MYOF: variants seen among roughly 807,000 people sequenced by gnomAD.
MYOF encodes the protein myoferlin, also known as fer-1-like 3, myoferlin.
In MYOF, 244 loss-of-function variants were observed where a neutral mutation model predicts 284.2. The observed-to-expected ratio is 0.86, with a 90% CI of 0.77 to 0.95. The LOEUF (loss-of-function observed/expected upper bound fraction) is 0.95. Ranked by LOEUF, MYOF falls within the 40% of genes least tolerant of loss-of-function variation. The pLI is 0.00. For synonymous variants in MYOF, 904 were observed against 919.7 expected (o/e 0.98, Z 0.31); for missense variants, 2,496 against 2,560.6 (o/e 0.97, Z 0.54).
At chr10:93,359,316 T>C (rs1244369013) in intron 29 of MYOF, among the ~76,000 whole-genome samples, 1 of 151,734 alleles carries the variant, frequency 6.6e-6, no homozygotes, top group Non-Finnish European at 1.5e-5. Flanking sequence ...GCCACTTCTA[T>C]ACATGCCACT....
In MYOF at chr10:93,317,628, G is replaced by A. The variant is rs569757846; in HGVS notation, c.5599-815C>T. Among the ~76,000 whole-genome samples the A allele has an allele frequency of 3.2e-4, 49 of 151,718 alleles. No homozygotes were observed. The South Asian group carries it at 0.01, about 32-fold the overall frequency. Reference sequence around the variant, plus strand: ...CTCCAGCCTGGGCGACAGAGATTCCGTCTCAGAAACAAAACAAAACAAAAC... The same window carrying A: ...CTCCAGCCTGGGCGACAGAGATTCCATCTCAGAAACAAAACAAAACAAAAC... On this transcript the variant is annotated intron_variant, in intron 49 of 53. Coordinates refer to ENST00000359263, the MANE Select transcript of MYOF (RefSeq NM_013451.4).
intron 27 of MYOF, among the ~76,000 whole-genome samples, chr10:93,362,207 C>A (rs1452572475): frequency 6.6e-6 from 1 of 151,194 alleles, no homozygotes; most frequent in Non-Finnish European, 1.5e-5. Context: ...CTCGGCCTCC[C>A]AAAGTGCTGG....
At chr10:93,331,696 CG>C (rs1304042063) in intron 43 of MYOF, among the ~76,000 whole-genome samples, 14 of 15,078 alleles carry the variant, frequency 9.3e-4, no homozygotes, top group African/African-American at 2.7e-3. Flanking sequence ...GTGCAGCATG[CG>C]GGGGGCGTAG....
intron 53 of MYOF, 48 bp downstream of exon 53, chr10:93,309,972 T>C (rs368469229): frequency 6.2e-7 from 1 of 1,611,304 alleles, no homozygotes. Flanking sequence ...GAGGACCAAC[T>C]GCAACTCACA....
At chr10:93,409,002 C>T in intron 6 of MYOF, 87 bp from the exon 7 acceptor site, 1 of 1,574,486 alleles carries the variant, frequency 6.4e-7, no homozygotes, top group South Asian at 1.2e-5. Flanking sequence ...TTTCCTTCAC[C>T]TATTAGGATT....
At chr10:93,468,493 C>T (rs1380720009) in intron 1 of MYOF, among the ~76,000 whole-genome samples, 1 of 152,226 alleles carries the variant, frequency 6.6e-6, no homozygotes, top group African/African-American at 2.4e-5. Flanking sequence ...AGTCCTCTGT[C>T]CTTCCTCGCT....
At chr10:93,348,762 T>TAAA (rs1844364160) in intron 36 of MYOF, among the ~76,000 whole-genome samples, 1 of 152,110 alleles carries the variant, frequency 6.6e-6, no homozygotes, top group Admixed American at 6.6e-5. Context: ...TGTGTAAATC[T>TAAA]GTTACCTCTT....
At chr10:93,477,160 T>G (rs1004707278) in intron 1 of MYOF, among the ~76,000 whole-genome samples, 1 of 152,066 alleles carries the variant, frequency 6.6e-6, no homozygotes, top group Non-Finnish European at 1.5e-5. Context: ...AAAGGGAAAA[T>G]GGAAGCCTAA....
chr10:93,394,614 C>A (rs911454357), intron 16 of MYOF, among the ~76,000 whole-genome samples: 2 of 151,306 alleles, frequency 1.3e-5, no homozygotes, highest in Admixed American at 6.6e-5. Flanking sequence ...GTGCCCACCA[C>A]CACGCCCGGA....
At chr10:93,461,512 C>T (rs2056882216) in intron 1 of MYOF, among the ~76,000 whole-genome samples, 1 of 152,114 alleles carries the variant, frequency 6.6e-6, no homozygotes, top group Non-Finnish European at 1.5e-5. Context: ...AGGCTGTGTG[C>T]ACAGAAGATG....
At position 93,347,576 on chromosome 10, in the gene MYOF, A is replaced by C. The variant is rs1776085; in HGVS notation, c.4249+41T>G. 1.3e-5 allele frequency: 17 copies of C among 1,349,146 alleles called. No individual in the cohort carries two copies. The Admixed American group carries it at 4.5e-4, about 36-fold the overall frequency. The allele number at this position is 1,349,146 out of a possible 1,614,324, so 83.6% of individuals were successfully genotyped here. The stretch of plus-strand genomic sequence containing the variant: ...TCCGTCTCAAAAAAAAAAAAAAAAA[A>C]AAGAAAAGCCCCCAGACTTATGCAC... On this transcript the variant is annotated intron_variant, in intron 37 of 53. Coordinates refer to ENST00000359263, the MANE Select transcript of MYOF (RefSeq NM_013451.4).
Position 93,359,848 on chromosome 10 carries a change from A to C in MYOF, c.3105T>G (p.Ala1035=). Reference sequence around the variant, plus strand: ...CTTCTCTTACCCTTGCGGTGCTTGAAGCAGTCTGTGTTAAATCTTTCTTGC... The same window carrying C: ...CTTCTCTTACCCTTGCGGTGCTTGACGCAGTCTGTGTTAAATCTTTCTTGC... ...RKRKKDLTQT[A]SSTARAMEEL... is the part of the protein sequence containing the mutation. The change falls in exon 29 of 54, where the codon GCT becomes GCG. Residue 1035 remains alanine (A), a synonymous_variant. Transcript: ENST00000359263. The C allele has an allele frequency of 6.2e-7, 1 of 1,614,152 alleles. No homozygotes were observed. The highest frequency in any genetic ancestry group is 8.5e-7 in the Non-Finnish European group (1 of 1,180,008).
intron 53 of MYOF, among the ~76,000 whole-genome samples, chr10:93,307,377 C>T (rs958591853): frequency 6.6e-6 from 1 of 152,056 alleles, no homozygotes; most frequent in African/African-American, 2.4e-5. Context: ...CTCACTGCAA[C>T]CTCCGCCTCC....
rs1469521037 is a variant in MYOF, at chr10:93,316,867, CCTT to C, written c.5599-57_5599-55del. The C allele has an allele frequency of 8.3e-6, 12 of 1,450,604 alleles. No individual in the cohort carries two copies. The East Asian group carries it at 2.5e-4, about 30-fold the overall frequency. 89.9% of individuals were successfully genotyped at this position (1,450,604 alleles called of 1,614,324 possible). ...GACTCTGAAACACTCACCTTTGGCT[CCTT>C]AAGACAGCATCAAAGCCTGGGGCCT... On this transcript the variant is annotated intron_variant, in intron 49 of 53. Coordinates refer to ENST00000359263, the MANE Select transcript of MYOF (RefSeq NM_013451.4).
At chr10:93,409,454 T>C in intron 6 of MYOF, 119 bp downstream of exon 6, 1 of 1,221,972 alleles carries the variant, frequency 8.2e-7, no homozygotes, top group Non-Finnish European at 1.1e-6. Flanking sequence ...CACTGACATC[T>C]CTCTTTACCG....
chr10:93,335,099 A>G (rs981559888), intron 41 of MYOF, among the ~76,000 whole-genome samples: 1 of 152,192 alleles, frequency 6.6e-6, no homozygotes, highest in African/African-American at 2.4e-5. Context: ...ACGCTGCCCG[A>G]AGCAATCAGG....
In MYOF at chr10:93,416,478, G is replaced by A. The variant is rs1190380293; in HGVS notation, c.434-6739C>T. 6.6e-5 allele frequency among the ~76,000 whole-genome samples: 10 copies of A among 152,090 alleles called. No individual in the cohort carries two copies. In the South Asian group the frequency reaches 1.0e-3, roughly 16 times the overall value. On this transcript the variant is annotated intron_variant, in intron 5 of 53. Coordinates refer to ENST00000359263, the MANE Select transcript of MYOF (RefSeq NM_013451.4). ...GCAGAGGTTGCAGTGAGCCGAGATC[G>A]CGCCACTGCACTCCAGCCTCGGCAA...
At chr10:93,374,622 C>A in intron 23 of MYOF, 141 bp downstream of exon 23, 1 of 793,898 alleles carries the variant, frequency 1.3e-6, no homozygotes, top group Non-Finnish European at 1.9e-6. Context: ...CCCAGTTACT[C>A]CCTGATTTTT....
chr10:93,313,757 C>T (rs1303584487), intron 50 of MYOF, among the ~76,000 whole-genome samples: 7 of 152,030 alleles, frequency 4.6e-5, no homozygotes, highest in African/African-American at 1.7e-4. Context: ...AAAAATTAGC[C>T]GGGCACGATG....
Sources: gnomAD v4.1 joint callset for allele counts (sites outside exome capture counted in the v4.1 genomes callset) on GRCh38, gnomAD v4.1.1 for gene constraint, MANE v1.5 for transcripts, NCBI Gene and HGNC (gene_info 2026-07-23, HGNC 2026-07-21) for gene names.